OPCML: variants seen among roughly 807,000 people sequenced by gnomAD.
The protein encoded by OPCML is opioid-binding protein/cell adhesion molecule.
In OPCML, 13 loss-of-function variants were observed where a neutral mutation model predicts 37.8. The observed-to-expected ratio is 0.34, with a 90% CI of 0.22 to 0.55. The LOEUF (loss-of-function observed/expected upper bound fraction) is 0.55. OPCML is among the 20% of genes least tolerant of loss of function. The probability of loss-of-function intolerance (pLI) is 0.91; values close to 1 mark genes in which losing one functional copy is unlikely to be tolerated. For missense variants in OPCML, 341 were observed against 435.6 expected, an observed-to-expected ratio of 0.78 and a Z score of 1.93; for synonymous variants, 176 against 168.8, an observed-to-expected ratio of 1.04 and a Z score of -0.33.
intron 3 of OPCML, among the ~76,000 whole-genome samples, chr11:132,656,637 C>A (rs1565751467): frequency 6.6e-6 from 1 of 152,280 alleles, no homozygotes; most frequent in East Asian, 1.9e-4. Flanking sequence ...CACTCAGAGA[C>A]CCCTCCAGAG....
intron 1 of OPCML, chr11:133,423,245 C>T: frequency 1.0e-6 from 1 of 985,362 alleles, no homozygotes; most frequent in Non-Finnish European, 1.2e-6. Flanking sequence ...TAGAGTTTTT[C>T]TACCTTATTC....
chr11:132,602,574 C>A (rs1358563940), intron 3 of OPCML, among the ~76,000 whole-genome samples: 1 of 152,184 alleles, frequency 6.6e-6, no homozygotes, highest in Non-Finnish European at 1.5e-5. Context: ...TCCAAGAGAG[C>A]CCTGGCGACA....
intron 1 of OPCML, among the ~76,000 whole-genome samples, chr11:133,270,708 C>T (rs1941803897): frequency 6.6e-6 from 1 of 152,114 alleles, no homozygotes; most frequent in Non-Finnish European, 1.5e-5. Context: ...CCTCAGACAG[C>T]CAGGAATAGG....
At chr11:132,718,961 C>T (rs1233582785) in intron 2 of OPCML, among the ~76,000 whole-genome samples, 1 of 152,234 alleles carries the variant, frequency 6.6e-6, no homozygotes, top group Admixed American at 6.5e-5. Flanking sequence ...AGAAGCATAG[C>T]TTCATGGCTT....
rs565965273 is a variant in OPCML at position 133,253,691 on chromosome 11, C to T, written c.61+278573G>A. Among the ~76,000 whole-genome samples the T allele has an allele frequency of 1.8e-3, 281 of 152,258 alleles. 2 individuals are homozygous for T. The highest frequency in any genetic ancestry group is 6.8e-3 in the Middle Eastern group (2 of 294). On this transcript the variant is annotated intron_variant, in intron 1 of 7. Coordinates refer to ENST00000524381, the MANE Select transcript of OPCML (RefSeq NM_001012393.5). ...CCAGTTTAAAAGTGCTATTATATCA[C>T]TTAAAATGAATAAGCAAATAAACAA...
intron 1 of OPCML, among the ~76,000 whole-genome samples, chr11:133,526,533 A>T (rs1168423312): frequency 1.3e-5 from 2 of 152,178 alleles, no homozygotes; most frequent in African/African-American, 4.8e-5. Flanking sequence ...TAGCAAGCAC[A>T]TTCATCTTCA....
chr11:132,944,060 C>T (rs1461266374), intron 1 of OPCML, among the ~76,000 whole-genome samples: 3 of 151,892 alleles, frequency 2.0e-5, no homozygotes, highest in Non-Finnish European at 2.9e-5. Flanking sequence ...CCTTAACCTC[C>T]GCCGCGCCCA....
intron 3 of OPCML, among the ~76,000 whole-genome samples, chr11:132,620,088 C>G (rs1325693549): frequency 6.6e-6 from 1 of 152,104 alleles, no homozygotes; most frequent in Non-Finnish European, 1.5e-5. Flanking sequence ...AAAATCAATA[C>G]TGTTGAATAG....
At chr11:132,945,648 T>G (rs1244859418) in intron 1 of OPCML, among the ~76,000 whole-genome samples, 1 of 152,248 alleles carries the variant, frequency 6.6e-6, no homozygotes, top group Non-Finnish European at 1.5e-5. Flanking sequence ...TACTGTAACT[T>G]TTTAACTTTA....
chr11:133,179,891 C>T lies in OPCML; in HGVS notation c.62-236881G>A, dbSNP rs181823828. 3.3e-4 allele frequency among the ~76,000 whole-genome samples: 50 copies of T among 152,156 alleles called. No homozygotes were observed. The Middle Eastern group carries it at 0.01, about 31-fold the overall frequency. ...CAGGAGGAGAGCGGCCAGTGGGTAA[C>T]CATGGAGGGGACAGCTAGTAGGAGC... On this transcript the variant is annotated intron_variant, in intron 1 of 7. Transcript: ENST00000524381.
chr11:132,952,145 A>G (rs1945873924), intron 1 of OPCML, among the ~76,000 whole-genome samples: 1 of 152,206 alleles, frequency 6.6e-6, no homozygotes, highest in African/African-American at 2.4e-5. Context: ...ACAGAAACCA[A>G]CCTAAGTCAG....
In OPCML at chr11:133,458,182, ATATATACACATATATACACGTGTGTG is replaced by A. The variant is rs1258901507; in HGVS notation, c.61+74056_61+74081del. On this transcript the variant is annotated intron_variant, in intron 1 of 7. Coordinates refer to ENST00000524381, the MANE Select transcript of OPCML (RefSeq NM_001012393.5). ...TATATATACATATACATATATGTGT[ATATATACACATATATACACGTGTGTG>A]TATATATACACATATATACACGTGT... 1.4e-4 allele frequency among the ~76,000 whole-genome samples: 19 copies of A among 140,692 alleles called. 1 individual carries two copies. Among genetic ancestry groups the A allele is most frequent in the African/African-American group, 4.9e-4 (16 of 32,882 alleles). The allele number at this position is 140,692 out of a possible 152,430, so 92.3% of individuals were successfully genotyped here. A position where few individuals can be genotyped will look rare whatever the true frequency, so the allele number is the denominator to read the frequency against.
intron 1 of OPCML, chr11:133,301,787 TG>T (rs978715690): frequency 1.3e-5 from 2 of 152,044 alleles, no homozygotes; most frequent in Admixed American, 6.6e-5. Flanking sequence ...CAACTTAATT[TG>T]GACACTGAAC....
intron 1 of OPCML, among the ~76,000 whole-genome samples, chr11:133,524,375 T>G (rs955106165): frequency 6.6e-6 from 1 of 152,226 alleles, no homozygotes; most frequent in African/African-American, 2.4e-5. Context: ...GATTGACCAT[T>G]CATGACCTTC....
At chr11:132,602,211 C>T (rs552501612) in intron 3 of OPCML, among the ~76,000 whole-genome samples, 35 of 152,094 alleles carry the variant, frequency 2.3e-4, no homozygotes, top group South Asian at 6.2e-4. Context: ...TATTTTTAGT[C>T]CTGATAATTA....
chr11:132,825,939 T>C (rs1288925885), intron 2 of OPCML, among the ~76,000 whole-genome samples: 2 of 152,228 alleles, frequency 1.3e-5, no homozygotes, highest in African/African-American at 4.8e-5. Flanking sequence ...CTTGTGTTTT[T>C]CTCTTTGTCC....
At chr11:133,484,127 T>TGATA (rs199751890) in intron 1 of OPCML, among the ~76,000 whole-genome samples, 19,901 of 148,852 alleles carry the variant, frequency 0.13, 2,087 homozygotes, top group African/African-American at 0.28. Flanking sequence ...GATAGATGAT[T>TGATA]GATAGATAGA....
intron 4 of OPCML, among the ~76,000 whole-genome samples, chr11:132,507,390 T>C (rs771215150): frequency 4.6e-5 from 7 of 152,080 alleles, no homozygotes; most frequent in Middle Eastern, 3.4e-3. Flanking sequence ...ATTAATGAAG[T>C]ATTTTATACC....
chr11:133,048,806 G>T (rs185897066), intron 1 of OPCML, among the ~76,000 whole-genome samples: 2 of 152,206 alleles, frequency 1.3e-5, no homozygotes, highest in Admixed American at 1.3e-4. Context: ...TCTAAGCTAT[G>T]GCTCTTTGAA....
Sources: allele counts gnomAD v4.1 joint callset (sites outside exome capture counted in the v4.1 genomes callset), GRCh38; gene constraint gnomAD v4.1.1; transcripts MANE v1.5; gene names NCBI Gene and HGNC (gene_info 2026-07-23, HGNC 2026-07-21).